The following RHEX variants were observed in gnomAD, a reference collection of about 807,000 sequenced individuals.
RHEX encodes the protein regulator of hemoglobinization and erythroid cell expansion.
A neutral mutation model predicts 20.1 loss-of-function variants in RHEX; 18 were observed. That is an observed-to-expected ratio of 0.90 (90% CI 0.62 to 1.33). RHEX has a LOEUF of 1.33. RHEX is among the 40% of genes most tolerant of loss of function. The pLI, the probability that RHEX is intolerant of heterozygous loss-of-function variation, is 0.00. For synonymous variants in RHEX, 87 were observed against 77.1 expected, an observed-to-expected ratio of 1.13 and a Z score of -0.67; for missense variants, 192 against 214.3, an observed-to-expected ratio of 0.90 and a Z score of 0.65.
intron 1 of RHEX, among the ~76,000 whole-genome samples, chr1:206,092,764 G>C (rs1428923738): frequency 6.6e-6 from 1 of 151,722 alleles, no homozygotes; most frequent in Non-Finnish European, 1.5e-5. Context: ...TTATTAATTT[G>C]GTTTATTTGT....
At chr1:206,097,909 C>A (rs1553287907) in intron 2 of RHEX, 70 bp downstream of exon 2, 4 of 1,279,888 alleles carry the variant, frequency 3.1e-6, no homozygotes, top group Non-Finnish European at 4.6e-6. Context: ...CTTCCAAGCA[C>A]ACATAGCACC....
intron 1 of RHEX, among the ~76,000 whole-genome samples, chr1:206,071,605 G>A (rs1181987994): frequency 6.6e-6 from 1 of 150,546 alleles, no homozygotes; most frequent in Non-Finnish European, 1.5e-5. Context: ...CCAGCGCTTT[G>A]GGAGGGCAAG....
chr1:206,079,058 C>A (rs1183295051), intron 1 of RHEX, among the ~76,000 whole-genome samples: 1 of 152,172 alleles, frequency 6.6e-6, no homozygotes, highest in Non-Finnish European at 1.5e-5. Flanking sequence ...GTTAACCCCC[C>A]CAGTCTTGAG....
intron 1 of RHEX, among the ~76,000 whole-genome samples, chr1:206,085,119 T>G (rs1662813111): frequency 6.6e-6 from 1 of 152,194 alleles, no homozygotes; most frequent in African/African-American, 2.4e-5. Flanking sequence ...TAAAGAGACA[T>G]TTGACTGCCC....
At chr1:206,074,874 G>C (rs1056246184) in intron 1 of RHEX, among the ~76,000 whole-genome samples, 4 of 152,136 alleles carry the variant, frequency 2.6e-5, no homozygotes, top group South Asian at 4.1e-4. Flanking sequence ...CCCCTCATAG[G>C]TGATGTATTT....
chr1:206,087,830 A>T (rs1370916176), intron 1 of RHEX, among the ~76,000 whole-genome samples: 1 of 152,246 alleles, frequency 6.6e-6, no homozygotes, highest in East Asian at 1.9e-4. Context: ...CTGAGAGTAG[A>T]TTTCAAATGT....
intron 1 of RHEX, among the ~76,000 whole-genome samples, chr1:206,082,265 C>T (rs1379380264): frequency 1.3e-5 from 2 of 152,046 alleles, no homozygotes; most frequent in East Asian, 3.9e-4. Flanking sequence ...TGTCTGTAAT[C>T]CCAGTACTTT....
chr1:206,087,034 A>G (rs1662854003), intron 1 of RHEX, among the ~76,000 whole-genome samples: 1 of 152,078 alleles, frequency 6.6e-6, no homozygotes, highest in Non-Finnish European at 1.5e-5. Flanking sequence ...CACAAAACAG[A>G]TGTCATCCCC....
intron 1 of RHEX, among the ~76,000 whole-genome samples, chr1:206,065,040 G>C (rs1192574753): frequency 6.6e-6 from 1 of 152,098 alleles, no homozygotes; most frequent in Non-Finnish European, 1.5e-5. Context: ...ATTAAGGGCA[G>C]TGCAAGATGT....
At position 206,053,195 on chromosome 1, in the gene RHEX, T is replaced by C. The variant is rs909695121; in HGVS notation, c.-167T>C. On this transcript the variant is annotated 5_prime_UTR_variant, in exon 1 of 6. Transcript: ENST00000331555. ...ACCAGAGCAGCGTGTAGCAGTTCCC[T>C]GTGGAGGATTAACACAGTGGCTGAA... 1 of 152,736 alleles carries C rather than the reference T, an allele frequency of 6.5e-6. No homozygotes were observed. Among genetic ancestry groups the C allele is most frequent in the Non-Finnish European group, 1.5e-5 (1 of 68,418 alleles). 9.5% of individuals were successfully genotyped at this position (152,736 alleles called of 1,614,324 possible). A position where few individuals can be genotyped will look rare whatever the true frequency, so the allele number is the denominator to read the frequency against.
chr1:206,096,421 T>A (rs1663069652), intron 1 of RHEX, among the ~76,000 whole-genome samples: 1 of 152,256 alleles, frequency 6.6e-6, no homozygotes, highest in Admixed American at 6.5e-5. Flanking sequence ...TCAGACACAC[T>A]GGTCTAGCTT....
chr1:206,062,595 A>G (rs1396622346), intron 1 of RHEX, among the ~76,000 whole-genome samples: 3 of 152,176 alleles, frequency 2.0e-5, no homozygotes, highest in African/African-American at 7.2e-5. Flanking sequence ...TGTCTGCACA[A>G]TACAACTGCT....
At chr1:206,066,203 T>C (rs1312109780) in intron 1 of RHEX, among the ~76,000 whole-genome samples, 4 of 152,268 alleles carry the variant, frequency 2.6e-5, no homozygotes, top group African/African-American at 9.6e-5. Context: ...GCAGTCTCGT[T>C]GCTCTTATCT....
At chr1:206,071,951 T>G (rs1662544877) in intron 1 of RHEX, among the ~76,000 whole-genome samples, 1 of 152,210 alleles carries the variant, frequency 6.6e-6, no homozygotes, top group African/African-American at 2.4e-5. Context: ...ATTGGTCAGT[T>G]GAATGGACTA....
chr1:206,063,462 C>A (rs564730223), intron 1 of RHEX, among the ~76,000 whole-genome samples: 39 of 152,360 alleles, frequency 2.6e-4, no homozygotes, highest in Non-Finnish European at 1.0e-4. Flanking sequence ...GACTATACTG[C>A]TGCCATCTCG....
chr1:206,086,375 G>A (rs1553286411), intron 1 of RHEX, among the ~76,000 whole-genome samples: 2 of 152,000 alleles, frequency 1.3e-5, no homozygotes, highest in African/African-American at 4.8e-5. Context: ...GAAGAATGGG[G>A]TCTCACTATG....
chr1:206,100,571 T>A (rs1553288258), intron 4 of RHEX, among the ~76,000 whole-genome samples: 1 of 152,186 alleles, frequency 6.6e-6, no homozygotes, highest in East Asian at 1.9e-4. Flanking sequence ...CCCTAACCCC[T>A]GGCCCCAAAG....
chr1:206,089,255 C>G (rs1013326912), intron 1 of RHEX, among the ~76,000 whole-genome samples: 1 of 151,732 alleles, frequency 6.6e-6, no homozygotes, highest in Non-Finnish European at 1.5e-5. Context: ...GTTGCCCAGG[C>G]TGGTCTCAAA....
At position 206,102,296 on chromosome 1, in the gene RHEX, G is replaced by A. The variant is rs1465949030; in HGVS notation, c.*344G>A. 1.2e-5 allele frequency: 3 copies of A among 252,084 alleles called. No homozygotes were observed. The highest frequency in any genetic ancestry group is 6.6e-5 in the African/African-American group (3 of 45,308). The allele number at this position is 252,084 out of a possible 1,614,324, so 15.6% of individuals were successfully genotyped here. ...GTCCATCAGCAGAGATAGTAGTGAA[G>A]TCTCTCCCCAGGGAAAATTTTAAAA... On this transcript the variant is annotated 3_prime_UTR_variant, in exon 6 of 6. Transcript: ENST00000331555.
Sources: gnomAD v4.1 joint callset for allele counts (sites outside exome capture counted in the v4.1 genomes callset) on GRCh38, gnomAD v4.1.1 for gene constraint, MANE v1.5 for transcripts, NCBI Gene and HGNC (gene_info 2026-07-23, HGNC 2026-07-21) for gene names.